SLC25A12: variants seen among roughly 807,000 people sequenced by gnomAD.
The protein encoded by SLC25A12 is solute carrier family 25 member 12, also known as electrogenic aspartate/glutamate antiporter SLC25A12, mitochondrial.
In SLC25A12, 32 loss-of-function variants were observed where a neutral mutation model predicts 83.3. The ratio of observed to expected loss-of-function variants is 0.38; its 90% CI spans 0.29 to 0.52. The LOEUF is 0.52. Among genes scored for constraint, SLC25A12 ranks in the 20% least tolerant of loss-of-function variants. The probability of loss-of-function intolerance (pLI) is 0.84; values close to 1 mark genes in which losing one functional copy is unlikely to be tolerated. For synonymous variants in SLC25A12, 267 were observed against 291.1 expected (o/e 0.92, Z 0.84); for missense variants, 611 against 835.6 (o/e 0.73, Z 3.31).
Position 171,793,767 on chromosome 2 carries a change from C to T in SLC25A12, c.1306G>A (p.Ala436Thr). 1 of 1,614,118 alleles carries T rather than the reference C, an allele frequency of 6.2e-7. No individual in the cohort carries two copies. Among genetic ancestry groups the T allele is most frequent in the Middle Eastern group, 1.6e-4 (1 of 6,062 alleles). Residue 436 changes from alanine (A) to threonine (T), a missense_variant and splice_region_variant, in exon 14 of 18, where the codon GCT becomes ACT. Physicochemically the swap from Ala to Thr is moderately conservative, Grantham distance 58. Around this residue, in one of 3 missense-constraint regions of SLC25A12, gnomAD observed 540 missense variants for 777.5 expected, o/e 0.69. Transcript: ENST00000422440. ...GTAAAAATGACCTGAGAGCCTCCAGCCTGTAGGCAAGGGAGAAGAGACAGG... is the reference window on the plus strand; with the variant it reads ...GTAAAAATGACCTGAGAGCCTCCAGTCTGTAGGCAAGGGAGAAGAGACAGG... ...LPAEVLAGGC[A>T]GGSQVIFTNP... is the part of the protein sequence containing the mutation.
intron 3 of SLC25A12, among the ~76,000 whole-genome samples, chr2:171,857,471 G>C (rs1275348750): frequency 6.6e-6 from 1 of 152,166 alleles, no homozygotes; most frequent in Non-Finnish European, 1.5e-5. Flanking sequence ...GATCACTTGA[G>C]CTCAGGAGTT....
At chr2:171,837,347 A>G in intron 5 of SLC25A12, 80 bp from the exon 6 acceptor site, 1 of 1,419,608 alleles carries the variant, frequency 7.0e-7, no homozygotes, top group Non-Finnish European at 1.0e-6. Flanking sequence ...GGAAGGACAG[A>G]TATCCTTCCC....
intron 13 of SLC25A12, among the ~76,000 whole-genome samples, chr2:171,800,882 C>T (rs1360679808): frequency 6.6e-6 from 1 of 152,196 alleles, no homozygotes. Flanking sequence ...ACTCCATTTA[C>T]ATGAAATCCA....
At chr2:171,803,764 T>C (rs1037198010) in intron 13 of SLC25A12, among the ~76,000 whole-genome samples, 1 of 151,910 alleles carries the variant, frequency 6.6e-6, no homozygotes, top group African/African-American at 2.4e-5. Flanking sequence ...GTCACTGCAC[T>C]CTCAGCTTGG....
intron 2 of SLC25A12, among the ~76,000 whole-genome samples, chr2:171,888,277 T>C (rs12617265): frequency 0.77 from 116,998 of 151,304 alleles, 46,214 homozygotes; most frequent in East Asian, 0.89. Context: ...TATACATATA[T>C]TTGTAGCCAT....
chr2:171,864,592 T>C (rs1420640818), intron 3 of SLC25A12, among the ~76,000 whole-genome samples: 1 of 152,216 alleles, frequency 6.6e-6, no homozygotes, highest in Non-Finnish European at 1.5e-5. Flanking sequence ...CATTCACTAA[T>C]GTGAGCACAT....
chr2:171,788,836 A>C (rs1030040185), intron 15 of SLC25A12: 4 of 152,210 alleles, frequency 2.6e-5, no homozygotes, highest in African/African-American at 7.2e-5. Context: ...TTCAGATGAA[A>C]CTAGGTAAAC....
At position 171,850,958 on chromosome 2, in the gene SLC25A12, A is replaced by G. The variant is rs111516928; in HGVS notation, c.325+4876T>C. ...CAAATGGAACACATTTTTATTTGCT[A>G]TATGTATTAATGGTCAAACATAGTA... On this transcript the variant is annotated intron_variant, in intron 4 of 17. Coordinates refer to ENST00000422440, the MANE Select transcript of SLC25A12 (RefSeq NM_003705.5). 1.9e-4 allele frequency among the ~76,000 whole-genome samples: 29 copies of G among 152,326 alleles called. 1 individual carries two copies. The highest frequency in any genetic ancestry group is 6.5e-4 in the African/African-American group (27 of 41,574).
intron 3 of SLC25A12, chr2:171,856,764 A>C (rs1685054981): frequency 6.6e-6 from 1 of 152,214 alleles, no homozygotes; most frequent in Admixed American, 6.5e-5. Context: ...GTAAAAAAAA[A>C]AAGTTTTTTA....
rs771572577 is a variant in SLC25A12 at position 171,787,962 on chromosome 2, C to G, written c.1586-15G>C. The G allele has an allele frequency of 5.0e-6, 8 of 1,613,838 alleles. No homozygotes were observed. In the Admixed American group the frequency reaches 1.2e-4, roughly 24 times the overall value. ...AGCTGGGACACCTTTCAGGAGAAAA[C>G]CACATTTAATTTATCTAGAGTACCT... On this transcript the variant is annotated splice_polypyrimidine_tract_variant and intron_variant, in intron 15 of 17. Transcript: ENST00000422440.
Position 171,809,644 on chromosome 2 carries a change from A to G in SLC25A12, c.1267T>C (p.Ser423Pro), listed in dbSNP as rs760263877. The G allele has an allele frequency of 1.9e-6, 3 of 1,613,968 alleles. No individual in the cohort carries two copies. In the African/African-American group the frequency reaches 4.0e-5, roughly 22 times the overall value. Residue 423 changes from serine (S) to proline (P), a missense_variant, in exon 13 of 18, where the codon TCT becomes CCT. Around this residue, in one of 3 missense-constraint regions of SLC25A12, gnomAD observed 540 missense variants for 777.5 expected, o/e 0.69. Transcript: ENST00000422440. ...VRDKFTRRDG[S>P]VPLPAEVLAG... Reference sequence around the variant, plus strand: ...AGAACTTCTGCTGGAAGTGGAACAGAGCCATCTCTTCTGGTAAATTTGTCC... The same window carrying G: ...AGAACTTCTGCTGGAAGTGGAACAGGGCCATCTCTTCTGGTAAATTTGTCC...
intron 5 of SLC25A12, among the ~76,000 whole-genome samples, chr2:171,843,179 AAAAG>A (rs893743518): frequency 1.3e-5 from 2 of 152,206 alleles, no homozygotes; most frequent in African/African-American, 4.8e-5. Context: ...ATTTTTTTAA[AAAAG>A]AAAGCTCCTG....
At chr2:171,794,682 AAAAT>A (rs1025760213) in intron 13 of SLC25A12, among the ~76,000 whole-genome samples, 18 of 152,104 alleles carry the variant, frequency 1.2e-4, no homozygotes, top group Non-Finnish European at 2.4e-4. Context: ...TGGATATATA[AAAAT>A]AAATAAAATA....
At chr2:171,884,767 C>G in intron 2 of SLC25A12, among the ~76,000 whole-genome samples, 1 of 151,244 alleles carries the variant, frequency 6.6e-6, no homozygotes, top group Non-Finnish European at 1.5e-5. Flanking sequence ...AAGAGCAAAA[C>G]TCTGTCCCCC....
intron 3 of SLC25A12, among the ~76,000 whole-genome samples, chr2:171,865,065 A>G (rs1685257489): frequency 6.6e-6 from 1 of 152,196 alleles, no homozygotes; most frequent in Non-Finnish European, 1.5e-5. Flanking sequence ...GCTTTCTAAC[A>G]TACCATAATT....
chr2:171,837,187 G>A lies in SLC25A12; in HGVS notation c.546C>T (p.Phe182=). 6.2e-7 allele frequency: 1 copy of A among 1,614,088 alleles called. No homozygotes were observed. Among genetic ancestry groups the A allele is most frequent in the Non-Finnish European group, 8.5e-7 (1 of 1,179,956 alleles). ...SKSGMISGLD[F]SDIMVTIRSH... Reference sequence around the variant, plus strand: ...ATCTAATGGTAACCATGATGTCACTGAAATCCAGACCAGAAATCATGCCAC... The same window carrying A: ...ATCTAATGGTAACCATGATGTCACTAAAATCCAGACCAGAAATCATGCCAC... The change falls in exon 6 of 18, where the codon TTC becomes TTT. Residue 182 remains phenylalanine, a synonymous_variant. Transcript: ENST00000422440.
At chr2:171,821,192 G>A (rs1292957034) in intron 9 of SLC25A12, among the ~76,000 whole-genome samples, 2 of 151,694 alleles carry the variant, frequency 1.3e-5, no homozygotes, top group South Asian at 4.2e-4. Context: ...ACTATGCCTG[G>A]CTAAATTTTT....
chr2:171,887,173 A>C lies in SLC25A12; in HGVS notation c.66+6032T>G, dbSNP rs143126861. 4.0e-3 allele frequency among the ~76,000 whole-genome samples: 612 copies of C among 152,346 alleles called. 7 individuals are homozygous for C. The highest frequency in any genetic ancestry group is 0.031 in the East Asian group (160 of 5,190). On this transcript the variant is annotated intron_variant, in intron 2 of 17. Transcript: ENST00000422440. ...AATAAAAGAACATATCTTTCTATTA[A>C]AAATAAATGTTATTGTAAAAACCCT...
intron 3 of SLC25A12, among the ~76,000 whole-genome samples, chr2:171,857,093 C>G (rs908407798): frequency 6.6e-6 from 1 of 152,190 alleles, no homozygotes; most frequent in Admixed American, 6.5e-5. Flanking sequence ...TGGCCAGGCA[C>G]AGTGGCTCAC....
Sources: gnomAD v4.1 joint callset for allele counts (sites outside exome capture counted in the v4.1 genomes callset) on GRCh38, gnomAD v4.1.1 for gene constraint, gnomAD v4.1.1 regional missense constraint, MANE v1.5 for transcripts, NCBI Gene and HGNC (gene_info 2026-07-23, HGNC 2026-07-21) for gene names.